The following PAM variants were observed in gnomAD, a reference collection of about 807,000 sequenced individuals.
PAM encodes peptidyl-glycine alpha-amidating monooxygenase.
Under a neutral mutation model 122.1 loss-of-function variants are expected in PAM, and 72 were observed. That is an observed-to-expected ratio of 0.59 (90% CI 0.49 to 0.72). The LOEUF is 0.72. PAM is among the 30% of genes least tolerant of loss of function. The pLI, the probability that PAM is intolerant of heterozygous loss-of-function variation, is 0.00. For synonymous variants in PAM, 389 were observed against 404.4 expected, an observed-to-expected ratio of 0.96 and a Z score of 0.46; for missense variants, 1,106 against 1,183.7, an observed-to-expected ratio of 0.93 and a Z score of 0.96.
At chr5:102,838,335 CA>C (rs370923372) in intron 1 of PAM, 3 of 151,930 alleles carry the variant, frequency 2.0e-5, no homozygotes, top group African/African-American at 7.2e-5. Context: ...TAAAAAACAC[CA>C]ATGCCCAAGT....
At chr5:103,028,066 G>C in intron 24 of PAM, 119 bp from the exon 25 acceptor site, 1 of 760,038 alleles carries the variant, frequency 1.3e-6, no homozygotes, top group South Asian at 1.7e-5. Context: ...ATTGCATACA[G>C]ACAAGAGCCA....
chr5:102,970,845 C>T (rs962052702), intron 14 of PAM, among the ~76,000 whole-genome samples: 7 of 151,848 alleles, frequency 4.6e-5, no homozygotes, highest in African/African-American at 1.5e-4. Flanking sequence ...CTCACTCTGT[C>T]TCCCGGGCTG....
intron 5 of PAM, among the ~76,000 whole-genome samples, chr5:102,914,388 C>T (rs570966176): frequency 6.6e-6 from 1 of 152,108 alleles, no homozygotes; most frequent in African/African-American, 2.4e-5. Context: ...CAAACTCCAG[C>T]ATCACACAAT....
chr5:102,960,635 CAA>C (rs1762183193), intron 13 of PAM, among the ~76,000 whole-genome samples: 2 of 151,912 alleles, frequency 1.3e-5, no homozygotes, highest in African/African-American at 2.4e-5. Context: ...CTTAAAATTG[CAA>C]AGTCTACTCC....
intron 1 of PAM, among the ~76,000 whole-genome samples, chr5:102,792,085 T>C (rs1157407843): frequency 1.3e-5 from 2 of 152,132 alleles, no homozygotes; most frequent in Non-Finnish European, 2.9e-5. Context: ...CTTTGATCCT[T>C]CTTTTTTTTC....
chr5:102,896,941 C>G (rs1024437600), intron 3 of PAM, among the ~76,000 whole-genome samples: 1 of 151,574 alleles, frequency 6.6e-6, no homozygotes, highest in East Asian at 1.9e-4. Flanking sequence ...GTGGAGAGTA[C>G]AAACACCACG....
intron 1 of PAM, among the ~76,000 whole-genome samples, chr5:102,859,335 AGTGTGTGTGTGT>A (rs57728525): frequency 1.4e-4 from 20 of 142,412 alleles, no homozygotes; most frequent in African/African-American, 4.6e-4. Context: ...GGCCCAGGCT[AGTGTGTGTGTGT>A]GTGTGTGTGT....
intron 12 of PAM, among the ~76,000 whole-genome samples, chr5:102,956,565 T>C (rs543390834): frequency 4.7e-4 from 71 of 152,242 alleles, no homozygotes; most frequent in African/African-American, 1.7e-3. Flanking sequence ...TTTTCAAACA[T>C]GTAACCTTGT....
intron 1 of PAM, among the ~76,000 whole-genome samples, chr5:102,826,471 T>A (rs1580618263): frequency 6.6e-6 from 1 of 152,214 alleles, no homozygotes; most frequent in South Asian, 2.1e-4. Flanking sequence ...CCGAGGAGCT[T>A]GTATGACTTT....
chr5:102,949,752 T>C (rs1034206786), intron 10 of PAM, 135 bp downstream of exon 10: 30 of 692,064 alleles, frequency 4.3e-5, no homozygotes, highest in Non-Finnish European at 6.9e-5. Flanking sequence ...AAATATTTTA[T>C]GCTGTTTTAT....
intron 1 of PAM, among the ~76,000 whole-genome samples, chr5:102,841,512 G>A (rs1015123328): frequency 1.3e-5 from 2 of 151,498 alleles, no homozygotes; most frequent in African/African-American, 2.4e-5. Context: ...CAGATTTGTT[G>A]TATATTCATA....
intron 1 of PAM, among the ~76,000 whole-genome samples, chr5:102,785,338 G>T (rs1200635214): frequency 2.6e-5 from 4 of 152,192 alleles, no homozygotes; most frequent in African/African-American, 9.7e-5. Context: ...TAAAGTTTGA[G>T]AACCTCTGTT....
chr5:102,907,630 C>T (rs1343809508), intron 4 of PAM, among the ~76,000 whole-genome samples: 4 of 150,264 alleles, frequency 2.7e-5, no homozygotes, highest in Admixed American at 6.6e-5. Flanking sequence ...CTCTCCAGCA[C>T]CTGTTGTTTC....
intron 3 of PAM, among the ~76,000 whole-genome samples, chr5:102,898,440 TA>T (rs1796773748): frequency 6.6e-6 from 1 of 151,626 alleles, no homozygotes; most frequent in African/African-American, 2.4e-5. Flanking sequence ...GCATCCTTAC[TA>T]GGACAGTGTG....
At chr5:102,966,764 G>C (rs1055773164) in intron 14 of PAM, among the ~76,000 whole-genome samples, 1 of 151,916 alleles carries the variant, frequency 6.6e-6, no homozygotes, top group Non-Finnish European at 1.5e-5. Context: ...GACATATTTT[G>C]TCAGTGGCTA....
At chr5:102,958,387 C>T (rs1431638913) in intron 12 of PAM, among the ~76,000 whole-genome samples, 1 of 152,142 alleles carries the variant, frequency 6.6e-6, no homozygotes. Flanking sequence ...ACATATACCT[C>T]CTTTTTTTTA....
At chr5:102,867,015 A>G (rs1216401523) in intron 2 of PAM, among the ~76,000 whole-genome samples, 1 of 152,196 alleles carries the variant, frequency 6.6e-6, no homozygotes, top group Admixed American at 6.5e-5. Context: ...ACAAGTTTTT[A>G]TTGAATGGAG....
intron 1 of PAM, among the ~76,000 whole-genome samples, chr5:102,861,855 T>G (rs1266004096): frequency 6.6e-6 from 1 of 152,174 alleles, no homozygotes. Flanking sequence ...TTTTAAGTTA[T>G]GCCAAAAATA....
intron 1 of PAM, among the ~76,000 whole-genome samples, chr5:102,831,423 GCT>G (rs1352525817): frequency 1.7e-5 from 2 of 121,024 alleles, no homozygotes; most frequent in East Asian, 5.0e-4. Flanking sequence ...TCATTATCGA[GCT>G]CTTTTTTTTT....
Sources: allele counts gnomAD v4.1 joint callset (sites outside exome capture counted in the v4.1 genomes callset), GRCh38; gene constraint gnomAD v4.1.1; transcripts MANE v1.5; gene names NCBI Gene and HGNC (gene_info 2026-07-23, HGNC 2026-07-21).